Variants in MECOM observed in about 807,000 individuals in gnomAD.
MECOM encodes the protein histone-lysine N-methyltransferase MECOM.
A neutral mutation model predicts 116.3 loss-of-function variants in MECOM; 13 were observed. That is an observed-to-expected ratio of 0.11 (90% CI 0.07 to 0.18). The LOEUF (loss-of-function observed/expected upper bound fraction) is 0.18, where lower values mean the gene tolerates loss of function less well. MECOM is among the 10% of genes least tolerant of loss of function. MECOM has a pLI of 1.00. For synonymous variants in MECOM, 528 were observed against 535.2 expected, an observed-to-expected ratio of 0.99 and a Z score of 0.19; for missense variants, 1,299 against 1,509.0, an observed-to-expected ratio of 0.86 and a Z score of 2.31.
At chr3:169,298,424 G>T (rs372035257) in intron 2 of MECOM, among the ~76,000 whole-genome samples, 2 of 151,388 alleles carry the variant, frequency 1.3e-5, no homozygotes, top group South Asian at 2.1e-4. Flanking sequence ...TCTTTATATT[G>T]ATAACATTTC....
chr3:169,146,468 G>A (rs1180762201), intron 2 of MECOM: 9 of 1,384,384 alleles, frequency 6.5e-6, no homozygotes, highest in South Asian at 3.4e-5. Context: ...AGCCGGCAGA[G>A]AAACCCACCG....
chr3:169,576,121 C>G (rs1021762443), intron 1 of MECOM, among the ~76,000 whole-genome samples: 6 of 152,144 alleles, frequency 3.9e-5, no homozygotes, highest in Non-Finnish European at 8.8e-5. Flanking sequence ...GATGACATTG[C>G]TATTGATGGT....
At chr3:169,589,536 G>T (rs147086288) in intron 1 of MECOM, among the ~76,000 whole-genome samples, 1 of 152,226 alleles carries the variant, frequency 6.6e-6, no homozygotes, top group African/African-American at 2.4e-5. Flanking sequence ...TTTGTAAAAT[G>T]ATGTGGATGG....
At chr3:169,401,567 A>G (rs1042547130) in intron 1 of MECOM, among the ~76,000 whole-genome samples, 3 of 152,188 alleles carry the variant, frequency 2.0e-5, no homozygotes, top group Non-Finnish European at 2.9e-5. Flanking sequence ...ACTATGTCCA[A>G]GGTTCAGTGG....
chr3:169,170,372 A>C (rs1460665714), intron 2 of MECOM, among the ~76,000 whole-genome samples: 1 of 138,414 alleles, frequency 7.2e-6, no homozygotes, highest in Admixed American at 8.1e-5. Context: ...GCACCACTGC[A>C]CTCCAGCCCA....
At chr3:169,567,004 C>T (rs1033043817) in intron 1 of MECOM, among the ~76,000 whole-genome samples, 2 of 152,246 alleles carry the variant, frequency 1.3e-5, no homozygotes, top group Non-Finnish European at 2.9e-5. Context: ...TCATACTCAA[C>T]ACAGGTCAGA....
rs192736315 is a variant in MECOM at position 169,473,066 on chromosome 3, G to C, written c.38-91542C>G. 1,826 of 620,068 alleles carry C rather than the reference G, an allele frequency of 2.9e-3. 4 individuals carry two copies. Among genetic ancestry groups the C allele is most frequent in the Middle Eastern group, 0.012 (14 of 1,192 alleles). The allele number at this position is 620,068 out of a possible 1,614,324, so 38.4% of individuals were successfully genotyped here. A position where few individuals can be genotyped will look rare whatever the true frequency, so the allele number is the denominator to read the frequency against. On this transcript the variant is annotated intron_variant, in intron 1 of 16. Transcript: ENST00000651503. ...AGTCATTAGCATCCAACAGTCTCCT[G>C]GTTTCCAAAAGGAGGTCCACCACAG...
chr3:169,600,536 G>A (rs774869658), intron 1 of MECOM, among the ~76,000 whole-genome samples: 3 of 152,042 alleles, frequency 2.0e-5, no homozygotes, highest in Non-Finnish European at 4.4e-5. Context: ...AGTTACCCAG[G>A]GGCCATGATT....
At chr3:169,494,764 C>T (rs1413412598) in intron 1 of MECOM, among the ~76,000 whole-genome samples, 2 of 152,214 alleles carry the variant, frequency 1.3e-5, no homozygotes, top group Non-Finnish European at 2.9e-5. Context: ...GATTCTGATT[C>T]ATCTTTCTAC....
At chr3:169,203,730 G>A (rs1243248142) in intron 2 of MECOM, among the ~76,000 whole-genome samples, 1 of 152,134 alleles carries the variant, frequency 6.6e-6, no homozygotes, top group Non-Finnish European at 1.5e-5. Flanking sequence ...TTCTTAGGGA[G>A]AGATTAAAGT....
chr3:169,253,246 C>T (rs933197228), intron 2 of MECOM, among the ~76,000 whole-genome samples: 8 of 152,142 alleles, frequency 5.3e-5, no homozygotes, highest in Non-Finnish European at 8.8e-5. Context: ...TCTGTCTGCA[C>T]CTAGACAGTG....
intron 1 of MECOM, among the ~76,000 whole-genome samples, chr3:169,487,123 TCAGA>T (rs1021390607): frequency 7.2e-5 from 11 of 152,178 alleles, no homozygotes; most frequent in African/African-American, 2.6e-4. Flanking sequence ...AAAGATATTT[TCAGA>T]CAGACAAAGG....
At chr3:169,089,322 G>A in intron 15 of MECOM, 139 bp from the exon 16 acceptor site, 5 of 520,856 alleles carry the variant, frequency 9.6e-6, no homozygotes, top group Non-Finnish European at 1.2e-5. Flanking sequence ...TCAATTATTG[G>A]GTTTTTATAA....
At chr3:169,627,187 G>A (rs1227552276) in intron 1 of MECOM, among the ~76,000 whole-genome samples, 2 of 152,206 alleles carry the variant, frequency 1.3e-5, no homozygotes, top group Non-Finnish European at 2.9e-5. Flanking sequence ...CTGGAGTCTG[G>A]TGAAAGCAGG....
intron 2 of MECOM, among the ~76,000 whole-genome samples, chr3:169,339,063 A>T (rs1248114421): frequency 6.6e-6 from 1 of 152,238 alleles, no homozygotes; most frequent in African/African-American, 2.4e-5. Flanking sequence ...TATTGAATAA[A>T]TTAAGGTAAT....
intron 2 of MECOM, among the ~76,000 whole-genome samples, chr3:169,314,441 G>A (rs1719371585): frequency 6.6e-6 from 1 of 152,196 alleles, no homozygotes; most frequent in South Asian, 2.1e-4. Flanking sequence ...TCCATGTTCT[G>A]CTCCAATGTA....
At chr3:169,462,095 T>C (rs981919055) in intron 1 of MECOM, among the ~76,000 whole-genome samples, 14 of 152,034 alleles carry the variant, frequency 9.2e-5, no homozygotes, top group African/African-American at 2.9e-4. Context: ...TTCCAAAGTG[T>C]AAATTTTAGA....
intron 15 of MECOM, 58 bp downstream of exon 15, chr3:169,089,942 T>A: frequency 6.5e-7 from 1 of 1,538,334 alleles, no homozygotes; most frequent in Non-Finnish European, 8.7e-7. Context: ...ACAGGAGGAA[T>A]TGCAACCGTA....
At chr3:169,185,526 C>A (rs1265930494) in intron 2 of MECOM, among the ~76,000 whole-genome samples, 1 of 152,132 alleles carries the variant, frequency 6.6e-6, no homozygotes, top group Non-Finnish European at 1.5e-5. Context: ...GAGATAGAGA[C>A]AAACAGCAAA....
Sources: allele counts gnomAD v4.1 joint callset (sites outside exome capture counted in the v4.1 genomes callset), GRCh38; gene constraint gnomAD v4.1.1; transcripts MANE v1.5; gene names NCBI Gene and HGNC (gene_info 2026-07-23, HGNC 2026-07-21).